Variants in FBLN7 observed in about 807,000 individuals in gnomAD.
The protein encoded by FBLN7 is fibulin-7.
In FBLN7, 31 loss-of-function variants were observed where a neutral mutation model predicts 44.0. The observed-to-expected ratio is 0.70, with a 90% CI of 0.53 to 0.95. FBLN7 has a LOEUF of 0.95. Among genes scored for constraint, FBLN7 ranks in the 40% least tolerant of loss-of-function variants. The pLI is 0.00. For missense variants in FBLN7, 573 were observed against 618.5 expected (o/e 0.93, Z 0.78); for synonymous variants, 262 against 253.4 (o/e 1.03, Z -0.32).
chr2:112,219,471 T>A, the FBLN7 span, among the ~76,000 whole-genome samples: 1 of 152,146 alleles, frequency 6.6e-6, no homozygotes, highest in Admixed American at 6.5e-5. Context: ...GCTAAACCTA[T>A]AAAGCTCATA....
chr2:112,166,262 A>G (rs906153527), intron 3 of FBLN7, among the ~76,000 whole-genome samples: 2 of 152,172 alleles, frequency 1.3e-5, no homozygotes, highest in South Asian at 4.1e-4. Flanking sequence ...TGTTGGCCAG[A>G]CTGGTCTCCA....
chr2:112,238,556 A>T, the FBLN7 span: 2 of 1,556,072 alleles, frequency 1.3e-6, no homozygotes, highest in Non-Finnish European at 1.7e-6. Flanking sequence ...CTTCAATTTT[A>T]AAAACCTAGC....
chr2:112,207,749 T>C, the FBLN7 span, among the ~76,000 whole-genome samples: 1 of 152,220 alleles, frequency 6.6e-6, no homozygotes, highest in Non-Finnish European at 1.5e-5. Flanking sequence ...AGTCACCCCT[T>C]TTGTTATTAT....
intron 7 of FBLN7, among the ~76,000 whole-genome samples, chr2:112,186,228 A>G (rs907229664): frequency 6.6e-6 from 1 of 152,176 alleles, no homozygotes; most frequent in Non-Finnish European, 1.5e-5. Flanking sequence ...ATGATGCTAC[A>G]GAATCGCCAA....
At chr2:112,198,551 C>T in the FBLN7 span, among the ~76,000 whole-genome samples, 16 of 151,640 alleles carry the variant, frequency 1.1e-4, no homozygotes, top group African/African-American at 3.6e-4. Flanking sequence ...GGAGGAGAAT[C>T]GCTTGAACCT....
intron 1 of FBLN7, chr2:112,152,350 G>C (rs530879471): frequency 6.6e-6 from 1 of 152,390 alleles, no homozygotes; most frequent in East Asian, 1.9e-4. Context: ...TTTTGTCATC[G>C]CTCCTGTGGC....
chr2:112,199,389 GA>G, the FBLN7 span, among the ~76,000 whole-genome samples: 1 of 152,168 alleles, frequency 6.6e-6, no homozygotes, highest in East Asian at 1.9e-4. Flanking sequence ...ACTGAGAGTT[GA>G]AACAAGCCAC....
chr2:112,175,474 G>A (rs1269322449), intron 3 of FBLN7, among the ~76,000 whole-genome samples: 1 of 152,246 alleles, frequency 6.6e-6, no homozygotes, highest in Non-Finnish European at 1.5e-5. Context: ...GCCCCAGGTG[G>A]GCAGTGTGTG....
At chr2:112,146,718 G>T (rs559331747) in intron 1 of FBLN7, among the ~76,000 whole-genome samples, 3 of 151,820 alleles carry the variant, frequency 2.0e-5, no homozygotes, top group Admixed American at 6.6e-5. Flanking sequence ...ATTTCCAGGG[G>T]TTTTTTTACA....
At position 112,160,824 on chromosome 2, in the gene FBLN7, GCAC is replaced by G. The variant is rs1383263294; in HGVS notation, c.235+990_235+992del. ...CGCACGCACACACACGCACACACAA[GCAC>G]GCATACACGCACGCACACGCGCACA... On this transcript the variant is annotated intron_variant, in intron 2 of 7. Transcript: ENST00000331203. 5.8e-5 allele frequency among the ~76,000 whole-genome samples: 8 copies of G among 137,710 alleles called. 1 individual carries two copies. Among genetic ancestry groups the G allele is most frequent in the Middle Eastern group, 7.2e-3 (2 of 276 alleles). The allele number at this position is 137,710 out of a possible 152,430, so 90.3% of individuals were successfully genotyped here.
At chr2:112,239,181 G>A in the FBLN7 span, among the ~76,000 whole-genome samples, 1 of 152,194 alleles carries the variant, frequency 6.6e-6, no homozygotes, top group African/African-American at 2.4e-5. Flanking sequence ...ACCCAGGCAT[G>A]GGAGCTAATC....
chr2:112,153,997 A>C (rs973839217), intron 1 of FBLN7, among the ~76,000 whole-genome samples: 2 of 152,124 alleles, frequency 1.3e-5, no homozygotes, highest in Non-Finnish European at 2.9e-5. Flanking sequence ...AGAACCATCC[A>C]TGCCACCTCT....
the FBLN7 span, among the ~76,000 whole-genome samples, chr2:112,242,555 C>G: frequency 1.3e-5 from 2 of 152,228 alleles, no homozygotes; most frequent in Middle Eastern, 3.4e-3. Flanking sequence ...CTTACCACAT[C>G]AAAACACAAA....
At chr2:112,232,180 C>T in the FBLN7 span, among the ~76,000 whole-genome samples, 1 of 151,772 alleles carries the variant, frequency 6.6e-6, no homozygotes, top group Admixed American at 6.6e-5. Flanking sequence ...GGCATGGTGG[C>T]GCAGGCATGC....
At chr2:112,210,784 C>T in the FBLN7 span, among the ~76,000 whole-genome samples, 2 of 151,322 alleles carry the variant, frequency 1.3e-5, no homozygotes, top group Admixed American at 1.3e-4. Flanking sequence ...TATACATACA[C>T]ACAAGACACA....
chr2:112,144,485 T>C (rs1042019379), intron 1 of FBLN7, among the ~76,000 whole-genome samples: 1 of 151,942 alleles, frequency 6.6e-6, no homozygotes, highest in Non-Finnish European at 1.5e-5. Flanking sequence ...ACAGGTTCCT[T>C]TTTGTTTTTG....
At chr2:112,233,285 T>A in the FBLN7 span, 2 of 1,594,446 alleles carry the variant, frequency 1.3e-6, no homozygotes, top group Admixed American at 1.8e-5. Context: ...AGTTTTCACC[T>A]CTGGTACAAT....
intron 1 of FBLN7, among the ~76,000 whole-genome samples, chr2:112,143,970 C>T (rs1233132290): frequency 6.6e-6 from 1 of 152,104 alleles, no homozygotes; most frequent in African/African-American, 2.4e-5. Flanking sequence ...ATGTGTTGGG[C>T]AGTGCTTGTG....
intron 4 of FBLN7, among the ~76,000 whole-genome samples, chr2:112,179,015 C>T (rs1001487989): frequency 1.5e-4 from 23 of 152,130 alleles, no homozygotes; most frequent in South Asian, 2.1e-4. Context: ...AGAAATAAAG[C>T]GCATCCAAAT....
Sources: gnomAD v4.1 joint callset for allele counts (sites outside exome capture counted in the v4.1 genomes callset) on GRCh38, gnomAD v4.1.1 for gene constraint, MANE v1.5 for transcripts, NCBI Gene and HGNC (gene_info 2026-07-23, HGNC 2026-07-21) for gene names.